GAS7: variants seen among roughly 807,000 people sequenced by gnomAD.
GAS7 encodes the protein growth arrest-specific protein 7.
GAS7 carries 28 observed loss-of-function variants against 71.1 expected under a neutral mutation model. The ratio of observed to expected loss-of-function variants is 0.39; its 90% CI spans 0.29 to 0.54. GAS7 has a LOEUF of 0.54. Ranked by LOEUF, GAS7 falls within the 20% of genes least tolerant of loss-of-function variation. The pLI, the probability that GAS7 is intolerant of heterozygous loss-of-function variation, is 0.62. For synonymous variants in GAS7, 258 were observed against 245.8 expected (o/e 1.05, Z -0.46); for missense variants, 436 against 627.8 (o/e 0.69, Z 3.27).
intron 1 of GAS7, among the ~76,000 whole-genome samples, chr17:10,183,594 C>T (rs2074431751): frequency 6.6e-6 from 1 of 152,204 alleles, no homozygotes; most frequent in African/African-American, 2.4e-5. Flanking sequence ...AATCCCAGCA[C>T]TTTGGGAGGC....
chr17:10,023,852 G>A (rs955086841), intron 1 of GAS7, among the ~76,000 whole-genome samples: 7 of 152,288 alleles, frequency 4.6e-5, no homozygotes, highest in African/African-American at 9.6e-5. Context: ...GGCTGGGCAC[G>A]GTGGCTCACA....
At chr17:9,985,352 A>C (rs2070605174) in intron 2 of GAS7, among the ~76,000 whole-genome samples, 1 of 152,184 alleles carries the variant, frequency 6.6e-6, no homozygotes, top group African/African-American at 2.4e-5. Context: ...CCAGGATCCC[A>C]ACCCTGACTG....
At chr17:9,950,978 C>T (rs2068984069) in intron 5 of GAS7, among the ~76,000 whole-genome samples, 1 of 152,174 alleles carries the variant, frequency 6.6e-6, no homozygotes, top group South Asian at 2.1e-4. Context: ...CCTCAGCAGC[C>T]TCAGTGAGAG....
chr17:9,990,230 C>T (rs2070789042), intron 2 of GAS7, among the ~76,000 whole-genome samples: 1 of 152,108 alleles, frequency 6.6e-6, no homozygotes, highest in African/African-American at 2.4e-5. Flanking sequence ...GATCGCACCG[C>T]TGCACTTCAG....
chr17:9,997,942 C>G (rs1274632125), intron 2 of GAS7, among the ~76,000 whole-genome samples: 1 of 152,230 alleles, frequency 6.6e-6, no homozygotes, highest in Non-Finnish European at 1.5e-5. Context: ...CACCACTCCC[C>G]AGGCTCCATG....
At chr17:10,016,382 C>G (rs1312639874) in intron 2 of GAS7, among the ~76,000 whole-genome samples, 4 of 90,208 alleles carry the variant, frequency 4.4e-5, no homozygotes, top group Non-Finnish European at 6.1e-5. Context: ...GAGACTCCGT[C>G]TCAAAAAAAA....
intron 1 of GAS7, among the ~76,000 whole-genome samples, chr17:10,159,668 C>T (rs2074236229): frequency 6.6e-6 from 1 of 152,104 alleles, no homozygotes; most frequent in Admixed American, 6.5e-5. Context: ...GAAGAGAGTA[C>T]TGACTTGGAG....
At chr17:10,036,417 G>T in intron 1 of GAS7, 1 of 1,601,916 alleles carries the variant, frequency 6.2e-7, no homozygotes, top group Non-Finnish European at 8.6e-7. Flanking sequence ...CTGCAGGCAA[G>T]AAAAATCAAT....
Position 9,925,601 on chromosome 17 carries a change from TGGGGTCCAA to T in GAS7, c.1015-11_1015-3del, listed in dbSNP as rs757754712. ...CCGCTCTGTGAGGGCTTTCCGGGCC[TGGGGTCCAA>T]GGACACGGAGAAGCTGCTCATACAG... On this transcript the variant is annotated splice_polypyrimidine_tract_variant and splice_region_variant and intron_variant, in intron 10 of 13. Coordinates refer to ENST00000432992, the MANE Select transcript of GAS7 (RefSeq NM_201433.2). 6.2e-7 allele frequency: 1 copy of T among 1,614,140 alleles called. No homozygotes were observed. Among genetic ancestry groups the T allele is most frequent in the East Asian group, 2.2e-5 (1 of 44,876 alleles).
At chr17:10,182,736 C>A (rs995722063) in intron 1 of GAS7, among the ~76,000 whole-genome samples, 2 of 152,214 alleles carry the variant, frequency 1.3e-5, no homozygotes, top group African/African-American at 4.8e-5. Context: ...CCACCATCTG[C>A]AGTGTACAGC....
In GAS7 at chr17:10,021,256, C is replaced by T. The variant is rs562976496; in HGVS notation, c.184-1359G>A. The stretch of plus-strand genomic sequence containing the variant: ...CCCAAATGTCCTCAGTATCCCCCAG[C>T]TGTGCCCATAGTGGTGGTCCCTGGT... On this transcript the variant is annotated intron_variant, in intron 1 of 13. Transcript: ENST00000432992. Among the ~76,000 whole-genome samples, 29 of 152,352 alleles carry T rather than the reference C, an allele frequency of 1.9e-4. No homozygotes were observed. The South Asian group carries it at 3.5e-3, about 18-fold the overall frequency.
chr17:10,039,096 T>C (rs2072813029), intron 1 of GAS7, among the ~76,000 whole-genome samples: 1 of 151,922 alleles, frequency 6.6e-6, no homozygotes, highest in African/African-American at 2.4e-5. Flanking sequence ...TGGTGCAAGA[T>C]GGAAGCATTC....
intron 1 of GAS7, among the ~76,000 whole-genome samples, chr17:10,111,437 G>T (rs2073811632): frequency 6.6e-6 from 1 of 152,116 alleles, no homozygotes; most frequent in South Asian, 2.1e-4. Flanking sequence ...GGAGGCTGAG[G>T]CAGGAGAATG....
chr17:10,081,267 G>C (rs1227921973), intron 1 of GAS7, among the ~76,000 whole-genome samples: 3 of 152,050 alleles, frequency 2.0e-5, no homozygotes, highest in Non-Finnish European at 4.4e-5. Context: ...CGATTCTCCT[G>C]CCTCAGCCTC....
At chr17:9,976,520 A>G (rs1376788344) in intron 3 of GAS7, among the ~76,000 whole-genome samples, 3 of 152,182 alleles carry the variant, frequency 2.0e-5, no homozygotes, top group African/African-American at 7.2e-5. Context: ...TGGGTTCAGG[A>G]GCCCCCTCCC....
intron 2 of GAS7, among the ~76,000 whole-genome samples, chr17:9,991,775 T>C (rs901631418): frequency 1.3e-5 from 2 of 152,058 alleles, no homozygotes; most frequent in African/African-American, 4.8e-5. Context: ...GAAGGTTGAC[T>C]GCAATGTTGG....
At chr17:10,098,398 T>C (rs2073665944) in intron 1 of GAS7, among the ~76,000 whole-genome samples, 1 of 152,166 alleles carries the variant, frequency 6.6e-6, no homozygotes, top group Admixed American at 6.6e-5. Context: ...TAGTGGCTGC[T>C]TTTGCCCAGA....
At chr17:10,155,001 C>T (rs1050114023) in intron 1 of GAS7, among the ~76,000 whole-genome samples, 25 of 151,122 alleles carry the variant, frequency 1.7e-4, no homozygotes, top group African/African-American at 6.1e-4. Context: ...TCCCTAAATC[C>T]TACTAAACCA....
intron 1 of GAS7, among the ~76,000 whole-genome samples, chr17:10,127,107 T>A (rs1253410126): frequency 2.0e-5 from 3 of 151,828 alleles, no homozygotes; most frequent in East Asian, 1.9e-4. Flanking sequence ...ATTGGGAGAG[T>A]GTGGATTTCC....
Sources: gnomAD v4.1 joint callset for allele counts (sites outside exome capture counted in the v4.1 genomes callset) on GRCh38, gnomAD v4.1.1 for gene constraint, MANE v1.5 for transcripts, NCBI Gene and HGNC (gene_info 2026-07-23, HGNC 2026-07-21) for gene names.